The following SHQ1 variants were observed in gnomAD, a reference collection of about 807,000 sequenced individuals.
SHQ1 encodes SHQ1, H/ACA ribonucleoprotein assembly factor.
SHQ1 carries 49 observed loss-of-function variants against 53.8 expected under a neutral mutation model. That is an observed-to-expected ratio of 0.91 (90% CI 0.72 to 1.16). The LOEUF is 1.16. Among genes scored for constraint, SHQ1 ranks in the 50% most tolerant of loss-of-function variants. SHQ1 has a pLI of 0.00. For missense variants in SHQ1, 738 were observed against 683.1 expected (o/e 1.08, Z -0.90); for synonymous variants, 243 against 251.0 (o/e 0.97, Z 0.30).
chr3:72,751,502 G>GTACATATATATATATATA (rs1469973919), intron 10 of SHQ1, among the ~76,000 whole-genome samples: 1 of 118,810 alleles, frequency 8.4e-6, no homozygotes, highest in Non-Finnish European at 1.6e-5. Flanking sequence ...GTGTGTGTGT[G>GTACATATATATATATATA]TGTGTGTATA....
At chr3:72,735,642 T>C in the SHQ1 span, among the ~76,000 whole-genome samples, 2 of 144,808 alleles carry the variant, frequency 1.4e-5, no homozygotes, top group Admixed American at 7.0e-5. Flanking sequence ...GTAAAGCCCA[T>C]ATATTGCTCA....
At chr3:72,771,824 C>T (rs530330496) in intron 10 of SHQ1, among the ~76,000 whole-genome samples, 1 of 152,212 alleles carries the variant, frequency 6.6e-6, no homozygotes, top group Non-Finnish European at 1.5e-5. Context: ...AGAGAACTTA[C>T]TCTATATGGG....
At chr3:72,762,004 GAC>G (rs752565480) in intron 10 of SHQ1, among the ~76,000 whole-genome samples, 10 of 152,160 alleles carry the variant, frequency 6.6e-5, no homozygotes, top group Non-Finnish European at 1.3e-4. Flanking sequence ...AAGGCAAGGA[GAC>G]AGGCTCTAGC....
intron 9 of SHQ1, 84 bp from the exon 10 acceptor site, chr3:72,793,120 G>A (rs71300549): frequency 8.2e-7 from 1 of 1,221,042 alleles, no homozygotes; most frequent in African/African-American, 1.5e-5. Flanking sequence ...AAGCAGCTCA[G>A]AATCCTGATC....
intron 10 of SHQ1, chr3:72,753,544 G>C (rs969596834): frequency 1.0e-6 from 1 of 985,228 alleles, no homozygotes; most frequent in Non-Finnish European, 1.2e-6. Context: ...AGTGTCCAAG[G>C]GTGAGCGGGA....
the SHQ1 span, among the ~76,000 whole-genome samples, chr3:72,725,568 C>CT: frequency 6.6e-6 from 1 of 152,202 alleles, no homozygotes; most frequent in Non-Finnish European, 1.5e-5. Flanking sequence ...TCTTCACCAT[C>CT]TTTATCACTC....
rs560610289 is a variant in SHQ1, at chr3:72,817,131, A to T, written c.882+99T>A. The T allele has an allele frequency of 4.7e-5, 62 of 1,312,786 alleles. 1 individual carries two copies. The South Asian group carries it at 1.0e-3, about 21-fold the overall frequency. The allele number at this position is 1,312,786 out of a possible 1,614,324, so 81.3% of individuals were successfully genotyped here. ...GCTGGGGGCATCCCCTGAATAACTG[A>T]TCACCACCAGTTCTACTCTAGACAA... On this transcript the variant is annotated intron_variant, in intron 7 of 10. Transcript: ENST00000325599.
chr3:72,766,807 A>T (rs1705741011), intron 10 of SHQ1, among the ~76,000 whole-genome samples: 1 of 152,194 alleles, frequency 6.6e-6, no homozygotes, highest in Non-Finnish European at 1.5e-5. Flanking sequence ...ATCAATCCCC[A>T]GCTGGAGGAA....
chr3:72,758,139 T>C (rs568900678), intron 10 of SHQ1, among the ~76,000 whole-genome samples: 9 of 152,328 alleles, frequency 5.9e-5, no homozygotes, highest in African/African-American at 2.2e-4. Flanking sequence ...GTGAAATTCC[T>C]ATCTTGAATC....
chr3:72,846,415 C>T, intron 1 of SHQ1: 1 of 1,025,138 alleles, frequency 9.8e-7, no homozygotes, highest in Non-Finnish European at 1.4e-6. Flanking sequence ...TCACCTCAAG[C>T]TTCCCAAGTA....
chr3:72,796,646 C>A (rs1706632900), intron 9 of SHQ1, among the ~76,000 whole-genome samples: 1 of 151,358 alleles, frequency 6.6e-6, no homozygotes, highest in African/African-American at 2.4e-5. Flanking sequence ...CATGGTGAAA[C>A]CCCATCTCTA....
intron 4 of SHQ1, among the ~76,000 whole-genome samples, chr3:72,836,468 A>G (rs555119098): frequency 1.3e-5 from 2 of 152,064 alleles, no homozygotes; most frequent in African/African-American, 2.4e-5. Flanking sequence ...CAGCCTGGGC[A>G]ACAAAGCAAG....
intron 9 of SHQ1, among the ~76,000 whole-genome samples, chr3:72,805,779 T>C (rs530077554): frequency 2.6e-4 from 39 of 152,302 alleles, no homozygotes; most frequent in Admixed American, 7.8e-4. Context: ...TTTTAAGTGA[T>C]ATTTTTGAAG....
intron 8 of SHQ1, among the ~76,000 whole-genome samples, chr3:72,813,925 GTGT>G (rs1019630986): frequency 4.0e-5 from 6 of 150,184 alleles, no homozygotes; most frequent in South Asian, 4.2e-4. Flanking sequence ...AGGAAAAAAG[GTGT>G]TGTATCTTGA....
chr3:72,736,665 C>T, the SHQ1 span, among the ~76,000 whole-genome samples: 126 of 148,092 alleles, frequency 8.5e-4, no homozygotes, highest in South Asian at 1.5e-3. Context: ...TGGTGGCAGG[C>T]ACCTGTAATC....
At chr3:72,740,731 G>A in the SHQ1 span, among the ~76,000 whole-genome samples, 1 of 152,134 alleles carries the variant, frequency 6.6e-6, no homozygotes, top group African/African-American at 2.4e-5. Context: ...AGCAGTGTGT[G>A]AATGTTCATT....
At position 72,828,235 on chromosome 3, in the gene SHQ1, CTG is replaced by C. The variant is rs578033765; in HGVS notation, c.600-3686_600-3685del. Among the ~76,000 whole-genome samples the C allele has an allele frequency of 5.5e-4, 84 of 152,258 alleles. 1 individual carries two copies. The highest frequency in any genetic ancestry group is 1.9e-3 in the African/African-American group (77 of 41,546). On this transcript the variant is annotated intron_variant, in intron 5 of 10. Transcript: ENST00000325599. ...ACAATGCGGTAAAAAACAAGACAAA[CTG>C]TAACAGGGGAGCACTGAGGTGGGCT... is the stretch of plus-strand genomic sequence containing the variant.
At chr3:72,826,847 A>G (rs554228305) in intron 5 of SHQ1, among the ~76,000 whole-genome samples, 2 of 152,370 alleles carry the variant, frequency 1.3e-5, no homozygotes, top group East Asian at 3.9e-4. Flanking sequence ...ACCACCTTGT[A>G]AGCCATGTTT....
the SHQ1 span, among the ~76,000 whole-genome samples, chr3:72,728,314 T>C: frequency 6.6e-6 from 1 of 152,160 alleles, no homozygotes; most frequent in Non-Finnish European, 1.5e-5. Flanking sequence ...AGCAACCCTT[T>C]CCTGTCAGTC....
Sources: allele counts gnomAD v4.1 joint callset (sites outside exome capture counted in the v4.1 genomes callset), GRCh38; gene constraint gnomAD v4.1.1; transcripts MANE v1.5; gene names NCBI Gene and HGNC (gene_info 2026-07-23, HGNC 2026-07-21).